Variants in GNAO1 observed in about 807,000 individuals in gnomAD.
GNAO1 encodes the protein guanine nucleotide-binding protein G(o) subunit alpha.
For missense variants in GNAO1, 166 were observed against 478.7 expected (o/e 0.35, Z 6.10); for synonymous variants, 164 against 180.7 (o/e 0.91, Z 0.74).
rs144211726 is a variant in GNAO1, at chr16:56,261,047, C to T, written c.162-14884C>T. Among the ~76,000 whole-genome samples the T allele has an allele frequency of 2.6e-5, 4 of 152,352 alleles. No homozygotes were observed. In the East Asian group the frequency reaches 7.7e-4, roughly 29 times the overall value. ...AGATGTTTGGGGACCTGACCCAATGCAGACATAGCCATCTTTGTCCAGCAA... is the reference window on the plus strand; with the variant it reads ...AGATGTTTGGGGACCTGACCCAATGTAGACATAGCCATCTTTGTCCAGCAA... On this transcript the variant is annotated intron_variant, in intron 2 of 8. Coordinates refer to ENST00000262493, the MANE Select transcript of GNAO1 (RefSeq NM_020988.3).
chr16:56,271,675 A>C (rs1054656034), intron 2 of GNAO1, among the ~76,000 whole-genome samples: 5 of 152,100 alleles, frequency 3.3e-5, no homozygotes, highest in African/African-American at 4.8e-5. Flanking sequence ...GGCTGGTCTC[A>C]AACTCCTGAC....
chr16:56,322,403 A>G (rs1478257015), intron 3 of GNAO1, among the ~76,000 whole-genome samples: 1 of 152,214 alleles, frequency 6.6e-6, no homozygotes, highest in Non-Finnish European at 1.5e-5. Context: ...CCATAGGCCC[A>G]GGAGGAGCCT....
At chr16:56,337,223 G>C (rs1164415612) in intron 6 of GNAO1, among the ~76,000 whole-genome samples, 2 of 152,260 alleles carry the variant, frequency 1.3e-5, no homozygotes, top group Non-Finnish European at 2.9e-5. Flanking sequence ...ACAGGCAACA[G>C]AAATAGCAGT....
intron 3 of GNAO1, among the ~76,000 whole-genome samples, chr16:56,296,802 G>T (rs1447523003): frequency 6.6e-6 from 1 of 152,208 alleles, no homozygotes; most frequent in African/African-American, 2.4e-5. Flanking sequence ...CCAGGTTGGA[G>T]TTCCAGGTCA....
intron 2 of GNAO1, among the ~76,000 whole-genome samples, chr16:56,250,921 C>G (rs2036793564): frequency 6.6e-6 from 1 of 152,200 alleles, no homozygotes; most frequent in Non-Finnish European, 1.5e-5. Flanking sequence ...TAGTCCCCAC[C>G]TTAATGACAT....
chr16:56,343,866 G>A (rs372064214), intron 6 of GNAO1: 52 of 1,614,102 alleles, frequency 3.2e-5, no homozygotes, highest in South Asian at 9.9e-5. Context: ...CCTGCGCCAC[G>A]GACACCAACA....
chr16:56,251,148 A>G (rs2036795553), intron 2 of GNAO1, among the ~76,000 whole-genome samples: 1 of 152,218 alleles, frequency 6.6e-6, no homozygotes, highest in African/African-American at 2.4e-5. Flanking sequence ...TAACACCCCT[A>G]TAAAGGAGGC....
At chr16:56,296,142 G>A (rs2037286115) in intron 3 of GNAO1, among the ~76,000 whole-genome samples, 1 of 152,218 alleles carries the variant, frequency 6.6e-6, no homozygotes, top group African/African-American at 2.4e-5. Context: ...TTGAATTTGT[G>A]TTTGGCTGAT....
At chr16:56,289,037 G>T (rs557613638) in intron 3 of GNAO1, among the ~76,000 whole-genome samples, 4 of 151,710 alleles carry the variant, frequency 2.6e-5, no homozygotes, top group Non-Finnish European at 4.4e-5. Flanking sequence ...CAAAAAAGGG[G>T]GGGGGAGCGG....
chr16:56,227,301 A>G (rs1259711305), intron 2 of GNAO1, among the ~76,000 whole-genome samples: 5 of 152,174 alleles, frequency 3.3e-5, no homozygotes, highest in Non-Finnish European at 5.9e-5. Context: ...TGCTTGGCTC[A>G]GGAGGCATCC....
intron 2 of GNAO1, among the ~76,000 whole-genome samples, chr16:56,199,192 G>T (rs891814090): frequency 2.6e-5 from 4 of 152,212 alleles, no homozygotes; most frequent in African/African-American, 9.7e-5. Flanking sequence ...GGGTATCCAT[G>T]AAAGTTCTTT....
intron 3 of GNAO1, among the ~76,000 whole-genome samples, chr16:56,316,542 C>G (rs16956312): frequency 0.025 from 3,815 of 152,310 alleles, 61 homozygotes; most frequent in South Asian, 0.086. Flanking sequence ...AGGACCCACT[C>G]TTGCCCGTCA....
intron 2 of GNAO1, chr16:56,194,311 A>G (rs766848096): frequency 3.1e-5 from 14 of 456,312 alleles, no homozygotes; most frequent in South Asian, 1.9e-4. Flanking sequence ...AACAAGGTGC[A>G]TGTTGCATCT....
intron 2 of GNAO1, among the ~76,000 whole-genome samples, chr16:56,213,021 C>T (rs564784172): frequency 1.2e-4 from 18 of 152,314 alleles, no homozygotes; most frequent in East Asian, 5.8e-4. Context: ...GAGCCCTGCC[C>T]GGTGGCCAGC....
intron 6 of GNAO1, among the ~76,000 whole-genome samples, chr16:56,349,668 G>C (rs2037903687): frequency 6.6e-6 from 1 of 152,342 alleles, no homozygotes; most frequent in Admixed American, 6.5e-5. Context: ...CAGAATGAAA[G>C]GGCAGTGCCG....
chr16:56,348,407 C>G (rs1463364591), intron 6 of GNAO1, among the ~76,000 whole-genome samples: 2 of 152,210 alleles, frequency 1.3e-5, no homozygotes, highest in African/African-American at 4.8e-5. Context: ...TTGCTCCGTT[C>G]TGCGCCGAGC....
intron 2 of GNAO1, among the ~76,000 whole-genome samples, chr16:56,194,768 C>T (rs776383227): frequency 3.3e-5 from 5 of 152,200 alleles, no homozygotes; most frequent in Non-Finnish European, 5.9e-5. Context: ...GAACATGCCC[C>T]ATAAATTAGG....
intron 3 of GNAO1, among the ~76,000 whole-genome samples, chr16:56,280,304 C>A (rs2037102393): frequency 6.6e-6 from 1 of 152,140 alleles, no homozygotes. Context: ...AGCAAAGGCC[C>A]TTGAAGCCAG....
At chr16:56,212,766 G>C (rs1179449563) in intron 2 of GNAO1, among the ~76,000 whole-genome samples, 2 of 152,230 alleles carry the variant, frequency 1.3e-5, no homozygotes, top group African/African-American at 4.8e-5. Flanking sequence ...TGGGTGCTCA[G>C]AGTTCTTCAT....
Sources: allele counts gnomAD v4.1 joint callset (sites outside exome capture counted in the v4.1 genomes callset), GRCh38; gene constraint gnomAD v4.1.1; transcripts MANE v1.5; gene names NCBI Gene and HGNC (gene_info 2026-07-23, HGNC 2026-07-21).